KAZN: variants seen among roughly 807,000 people sequenced by gnomAD.
The protein encoded by KAZN is kazrin, periplakin interacting protein.
Under a neutral mutation model 87.4 loss-of-function variants are expected in KAZN, and 40 were observed. The ratio of observed to expected loss-of-function variants is 0.46; its 90% confidence interval spans 0.36 to 0.60. KAZN has a LOEUF of 0.60. Among genes scored for constraint, KAZN ranks in the 20% least tolerant of loss-of-function variants. The probability of loss-of-function intolerance (pLI) is 0.00; values close to 1 mark genes in which losing one functional copy is unlikely to be tolerated. For synonymous variants in KAZN, 466 were observed against 458.3 expected (o/e 1.02, Z -0.22); for missense variants, 898 against 1,073.9 (o/e 0.84, Z 2.29).
chr1:14,726,325 G>T (rs1390096604), intron 1 of KAZN, among the ~76,000 whole-genome samples: 1 of 152,218 alleles, frequency 6.6e-6, no homozygotes, highest in Non-Finnish European at 1.5e-5. Flanking sequence ...GGGGACCTGT[G>T]CAAGCTGATA....
At chr1:13,996,196 T>A (rs1394071467) in intron 1 of KAZN, among the ~76,000 whole-genome samples, 1 of 152,140 alleles carries the variant, frequency 6.6e-6, no homozygotes, top group Non-Finnish European at 1.5e-5. Context: ...TCCACAGAAC[T>A]GTACAACTCA....
At chr1:14,888,348 T>C (rs1287156112) in intron 1 of KAZN, among the ~76,000 whole-genome samples, 1 of 152,060 alleles carries the variant, frequency 6.6e-6, no homozygotes, top group Non-Finnish European at 1.5e-5. Flanking sequence ...TCCAGGGTCG[T>C]CTTGTGCACT....
intron 1 of KAZN, among the ~76,000 whole-genome samples, chr1:13,902,319 G>A (rs1215919239): frequency 6.6e-6 from 1 of 152,242 alleles, no homozygotes; most frequent in Non-Finnish European, 1.5e-5. Flanking sequence ...AAGTCCATAA[G>A]GAGTGGGACC....
intron 2 of KAZN, among the ~76,000 whole-genome samples, chr1:14,326,077 G>A (rs967192050): frequency 1.3e-5 from 2 of 152,138 alleles, no homozygotes; most frequent in Non-Finnish European, 2.9e-5. Context: ...GACTTCTGCT[G>A]TGAACTCCAG....
At chr1:14,753,655 G>A (rs1644474071) in intron 1 of KAZN, among the ~76,000 whole-genome samples, 1 of 152,136 alleles carries the variant, frequency 6.6e-6, no homozygotes, top group Non-Finnish European at 1.5e-5. Context: ...TGAACTGAAT[G>A]GAAACAAACT....
chr1:14,535,202 G>A (rs1672416628), intron 2 of KAZN, among the ~76,000 whole-genome samples: 1 of 152,184 alleles, frequency 6.6e-6, no homozygotes, highest in Non-Finnish European at 1.5e-5. Context: ...AGCATTACAG[G>A]TTCTATTAGC....
chr1:14,543,446 G>T (rs991793648), intron 2 of KAZN, among the ~76,000 whole-genome samples: 10 of 152,180 alleles, frequency 6.6e-5, no homozygotes, highest in African/African-American at 1.9e-4. Context: ...TGCCAATCAT[G>T]CCAGGGACAC....
At chr1:14,370,730 C>G (rs1329884688) in intron 2 of KAZN, among the ~76,000 whole-genome samples, 5 of 152,208 alleles carry the variant, frequency 3.3e-5, no homozygotes, top group Non-Finnish European at 7.3e-5. Context: ...CTCACTTTGT[C>G]ACCCAGACTG....
intron 2 of KAZN, among the ~76,000 whole-genome samples, chr1:14,302,758 G>T (rs955032508): frequency 3.9e-5 from 6 of 152,168 alleles, no homozygotes; most frequent in Non-Finnish European, 5.9e-5. Context: ...TATGGGGAAG[G>T]TCATATAGGT....
chr1:15,041,148 G>A (rs1247128838), intron 3 of KAZN, among the ~76,000 whole-genome samples: 1 of 148,360 alleles, frequency 6.7e-6, no homozygotes, highest in Non-Finnish European at 1.5e-5. Flanking sequence ...TTTTAGTAGA[G>A]ATGGGGTTTC....
At chr1:14,356,040 C>T (rs1192960205) in intron 2 of KAZN, among the ~76,000 whole-genome samples, 1 of 152,152 alleles carries the variant, frequency 6.6e-6, no homozygotes, top group Non-Finnish European at 1.5e-5. Flanking sequence ...ATTTACACTC[C>T]CACCAATGGT....
chr1:14,138,105 GTGTA>G (rs1243448969), intron 1 of KAZN, among the ~76,000 whole-genome samples: 5 of 151,836 alleles, frequency 3.3e-5, no homozygotes, highest in South Asian at 2.1e-4. Context: ...GTGTGTGTGT[GTGTA>G]TACATATCCT....
At chr1:14,714,220 C>T (rs1172020757) in intron 1 of KAZN, among the ~76,000 whole-genome samples, 1 of 152,164 alleles carries the variant, frequency 6.6e-6, no homozygotes, top group East Asian at 1.9e-4. Flanking sequence ...CAGGTAGTGG[C>T]TGACACTCCC....
At chr1:14,763,398 T>G (rs185213854) in intron 1 of KAZN, among the ~76,000 whole-genome samples, 85 of 152,310 alleles carry the variant, frequency 5.6e-4, no homozygotes, top group Non-Finnish European at 4.4e-4. Flanking sequence ...TCACCTGTGT[T>G]CTTGACCGGC....
At chr1:14,954,923 G>C (rs1006969393) in intron 1 of KAZN, among the ~76,000 whole-genome samples, 4 of 152,142 alleles carry the variant, frequency 2.6e-5, no homozygotes, top group Admixed American at 2.6e-4. Flanking sequence ...CTGTACTCCA[G>C]CCTGGGCGAC....
intron 2 of KAZN, among the ~76,000 whole-genome samples, chr1:14,389,654 A>T (rs1662250116): frequency 6.6e-6 from 1 of 152,144 alleles, no homozygotes; most frequent in Non-Finnish European, 1.5e-5. Flanking sequence ...AAATTAAAAC[A>T]ATTTAACTCA....
chr1:14,737,882 T>G (rs941570731), intron 1 of KAZN, among the ~76,000 whole-genome samples: 2 of 152,230 alleles, frequency 1.3e-5, no homozygotes, highest in African/African-American at 4.8e-5. Context: ...GCCCCGGCTC[T>G]TTTAAGGACT....
At chr1:14,406,582 G>C (rs1312905338) in intron 2 of KAZN, among the ~76,000 whole-genome samples, 1 of 152,082 alleles carries the variant, frequency 6.6e-6, no homozygotes, top group African/African-American at 2.4e-5. Context: ...ACTACAAATT[G>C]GGTTCAGTGT....
chr1:14,623,000 A>C (rs1227486028), intron 1 of KAZN, among the ~76,000 whole-genome samples: 1 of 152,112 alleles, frequency 6.6e-6, no homozygotes, highest in Non-Finnish European at 1.5e-5. Flanking sequence ...ATGCTTATAC[A>C]CTGCTGGTGG....
Sources: allele counts gnomAD v4.1 joint callset (sites outside exome capture counted in the v4.1 genomes callset), GRCh38; gene constraint gnomAD v4.1.1; transcripts MANE v1.5; gene names NCBI Gene and HGNC (gene_info 2026-07-23, HGNC 2026-07-21).